BCAS3: variants seen among roughly 807,000 people sequenced by gnomAD.
BCAS3 encodes BCAS4/BCAS3 fusion.
In BCAS3, 53 loss-of-function variants were observed where a neutral mutation model predicts 116.1. The ratio of observed to expected loss-of-function variants is 0.46; its 90% CI spans 0.37 to 0.57. BCAS3 has a LOEUF of 0.57. BCAS3 is among the 20% of genes least tolerant of loss of function. The probability of loss-of-function intolerance (pLI) is 0.00; values close to 1 mark genes in which losing one functional copy is unlikely to be tolerated. For missense variants in BCAS3, 917 were observed against 1,165.4 expected, an observed-to-expected ratio of 0.79 and a Z score of 3.10; for synonymous variants, 391 against 408.2, an observed-to-expected ratio of 0.96 and a Z score of 0.51.
At chr17:61,253,177 G>A (rs992699378) in intron 22 of BCAS3, among the ~76,000 whole-genome samples, 2 of 150,546 alleles carry the variant, frequency 1.3e-5, no homozygotes, top group African/African-American at 4.9e-5. Context: ...AGCCCGGCCC[G>A]TTGCTATACC....
chr17:61,171,901 A>T lies in BCAS3; in HGVS notation c.2425+87337A>T. ...TCTCACCTTGGCCTTCCAAAGTGTT[A>T]CGATTACCAGTGTGAGCCACCATAC... On this transcript the variant is annotated intron_variant, in intron 22 of 23. Coordinates refer to ENST00000407086, the MANE Select transcript of BCAS3 (RefSeq NM_017679.5). The surrounding 1 kb of genome is among the most constrained non-coding windows in gnomAD (Gnocchi z 4.1). Among the ~76,000 whole-genome samples the T allele has an allele frequency of 6.6e-6, 1 of 151,796 alleles. No homozygotes were observed. Among genetic ancestry groups the T allele is most frequent in the East Asian group, 1.9e-4 (1 of 5,180 alleles).
chr17:60,848,829 A>G (rs1394613729), intron 7 of BCAS3, among the ~76,000 whole-genome samples: 7 of 147,468 alleles, frequency 4.7e-5, no homozygotes, highest in Non-Finnish European at 7.4e-5. Flanking sequence ...CCCCTGAAGT[A>G]GCTGGGACTA....
intron 6 of BCAS3, among the ~76,000 whole-genome samples, chr17:60,786,063 A>G (rs1337947132): frequency 1.3e-5 from 2 of 152,216 alleles, no homozygotes; most frequent in Admixed American, 1.3e-4. Context: ...AGATTTTGGT[A>G]TCTGAGGGAG....
rs370774830 is a variant in BCAS3 at position 60,686,119 on chromosome 17, C to G, written c.138+2083C>G. Among the ~76,000 whole-genome samples the G allele has an allele frequency of 6.1e-4, 93 of 152,130 alleles. 1 individual carries two copies. The East Asian group carries it at 9.3e-3, about 15-fold the overall frequency. ...TCCTGACCTTGTGATCTGCCTGCCT[C>G]GGCCTCCCAAAGTGCTGGGATTACA... On this transcript the variant is annotated intron_variant, in intron 3 of 23. Transcript: ENST00000407086.
intron 16 of BCAS3, among the ~76,000 whole-genome samples, chr17:61,022,151 AT>A (rs1012717954): frequency 2.2e-4 from 33 of 152,226 alleles, no homozygotes; most frequent in Non-Finnish European, 7.4e-5. Context: ...TTTTTCTGCT[AT>A]ATCAGTGGAG....
intron 7 of BCAS3, among the ~76,000 whole-genome samples, chr17:60,859,367 C>G (rs1392190227): frequency 6.6e-6 from 1 of 151,948 alleles, no homozygotes; most frequent in African/African-American, 2.4e-5. Flanking sequence ...TCAAGTAGGC[C>G]CCGGTGTCTG....
intron 22 of BCAS3, among the ~76,000 whole-genome samples, chr17:61,269,191 C>T (rs2050022195): frequency 6.6e-6 from 1 of 150,936 alleles, no homozygotes; most frequent in Non-Finnish European, 1.5e-5. Flanking sequence ...CTCGGCTCAC[C>T]ACAACCTCAG....
rs939277249 is a variant in BCAS3 at position 60,985,689 on chromosome 17, C to T, written c.1222-4282C>T. Reference sequence around the variant, plus strand: ...CTCCCTCCACTACCCTTTCCAGCCTCTCGTAAACATCCTTCTACTCTCTAT... The same window carrying T: ...CTCCCTCCACTACCCTTTCCAGCCTTTCGTAAACATCCTTCTACTCTCTAT... On this transcript the variant is annotated intron_variant, in intron 14 of 23. Transcript: ENST00000407086. Among the ~76,000 whole-genome samples the T allele has an allele frequency of 2.6e-5, 4 of 152,184 alleles. No individual in the cohort carries two copies. The East Asian group carries it at 7.7e-4, about 29-fold the overall frequency.
Position 61,104,274 on chromosome 17 carries a change from A to T in BCAS3, c.2425+19710A>T, listed in dbSNP as rs1019675624. Among the ~76,000 whole-genome samples the T allele has an allele frequency of 1.3e-5, 2 of 152,180 alleles. No homozygotes were observed. The highest frequency in any genetic ancestry group is 2.9e-5 in the Non-Finnish European group (2 of 68,036). ...GAGAGTTTTATTCCAGTCTTTTAGGAGGCGAGACCTTGACCAAGGAGTAGC... is the reference window on the plus strand; with the variant it reads ...GAGAGTTTTATTCCAGTCTTTTAGGTGGCGAGACCTTGACCAAGGAGTAGC... On this transcript the variant is annotated intron_variant, in intron 22 of 23. Coordinates refer to ENST00000407086, the MANE Select transcript of BCAS3 (RefSeq NM_017679.5). This position sits in a 1 kb window ranked among gnomAD's most constrained non-coding sequence, Gnocchi z 4.1.
chr17:61,259,447 G>A lies in BCAS3; in HGVS notation c.2426-108880G>A, dbSNP rs1486751675. Among the ~76,000 whole-genome samples the A allele has an allele frequency of 1.3e-5, 2 of 152,146 alleles. No individual in the cohort carries two copies. The highest frequency in any genetic ancestry group is 6.5e-5 in the Admixed American group (1 of 15,270). Reference sequence around the variant, plus strand: ...TAACTGCCAGTTCCTGTCCATAGGGGTTGAGAACATCGTTGGATGATATGT... The same window carrying A: ...TAACTGCCAGTTCCTGTCCATAGGGATTGAGAACATCGTTGGATGATATGT... On this transcript the variant is annotated intron_variant, in intron 22 of 23. Coordinates refer to ENST00000407086, the MANE Select transcript of BCAS3 (RefSeq NM_017679.5). This position sits in a 1 kb window ranked among gnomAD's most constrained non-coding sequence, Gnocchi z 4.7.
chr17:60,683,815 G>T (rs2033615241), intron 2 of BCAS3, among the ~76,000 whole-genome samples, 167 bp from the exon 3 acceptor site: 1 of 151,902 alleles, frequency 6.6e-6, no homozygotes, highest in South Asian at 2.1e-4. Context: ...CTGGGTGACA[G>T]AGTGAAACCT....
intron 18 of BCAS3, among the ~76,000 whole-genome samples, chr17:61,039,403 A>T (rs1360128268): frequency 6.6e-6 from 1 of 152,048 alleles, no homozygotes; most frequent in Non-Finnish European, 1.5e-5. Context: ...GTGAACATTC[A>T]TGTACAGATT....
chr17:60,978,514 C>A (rs1414062222), intron 14 of BCAS3, among the ~76,000 whole-genome samples: 3 of 149,220 alleles, frequency 2.0e-5, no homozygotes, highest in African/African-American at 5.0e-5. Context: ...TAATTAGATC[C>A]CATTTGTCAA....
rs1440434896 is a variant in BCAS3, at chr17:61,028,400, A to G, written c.1638-6266A>G. On this transcript the variant is annotated intron_variant, in intron 16 of 23. Coordinates refer to ENST00000407086, the MANE Select transcript of BCAS3 (RefSeq NM_017679.5). The surrounding 1 kb of genome is among the most constrained non-coding windows in gnomAD (Gnocchi z 4.3). The stretch of plus-strand genomic sequence containing the variant: ...GTTAACCAGATGTCTTCTAAAAACA[A>G]ATAAGATACACAGATCTTACTTATG... Among the ~76,000 whole-genome samples the G allele has an allele frequency of 6.6e-6, 1 of 151,844 alleles. No homozygotes were observed. The highest frequency in any genetic ancestry group is 1.5e-5 in the Non-Finnish European group (1 of 67,774).
intron 10 of BCAS3, among the ~76,000 whole-genome samples, chr17:60,890,416 T>G (rs1379936724): frequency 6.6e-6 from 1 of 151,578 alleles, no homozygotes; most frequent in African/African-American, 2.4e-5. Flanking sequence ...ATCGCACCAC[T>G]GCACTCCGTC....
chr17:60,931,566 C>T (rs957899128), intron 13 of BCAS3, among the ~76,000 whole-genome samples: 10 of 152,122 alleles, frequency 6.6e-5, no homozygotes, highest in Non-Finnish European at 1.5e-4. Context: ...TGTGAGCTAC[C>T]ACACCCGGCC....
intron 19 of BCAS3, among the ~76,000 whole-genome samples, chr17:61,052,711 CTTTCTTTTTTTTTT>C (rs2068974079): frequency 7.4e-6 from 1 of 135,924 alleles, no homozygotes; most frequent in African/African-American, 2.9e-5. Context: ...TTCTTTCTTT[CTTTCTTTTTTTTTT>C]TTTTTTTTTT....
chr17:60,872,657 T>C (rs1435946374), intron 8 of BCAS3, among the ~76,000 whole-genome samples: 1 of 151,550 alleles, frequency 6.6e-6, no homozygotes, highest in African/African-American at 2.4e-5. Context: ...GATATCTATC[T>C]GTATGTATAT....
chr17:60,988,338 C>CTTTTTTTTTTTTTTTTTTTTTTTTT (rs71148317), intron 14 of BCAS3, among the ~76,000 whole-genome samples: 4 of 66,758 alleles, frequency 6.0e-5, no homozygotes, highest in Non-Finnish European at 5.7e-5. Context: ...TTTTCTTTTT[C>CTTTTTTTTTTTTTTTTTTTTTTTTT]TTTTTTTTTT....
Sources: allele counts gnomAD v4.1 joint callset (sites outside exome capture counted in the v4.1 genomes callset), GRCh38; gene constraint gnomAD v4.1.1; non-coding constraint Gnocchi (gnomAD v3.1); transcripts MANE v1.5; gene names NCBI Gene and HGNC (gene_info 2026-07-23, HGNC 2026-07-21).